Variants in SLC43A2 observed in about 807,000 individuals in gnomAD.
The protein encoded by SLC43A2 is large neutral amino acids transporter small subunit 4.
In SLC43A2, 38 loss-of-function variants were observed where a neutral mutation model predicts 63.2. The ratio of observed to expected loss-of-function variants is 0.60; its 90% confidence interval spans 0.46 to 0.79. The LOEUF (loss-of-function observed/expected upper bound fraction) is 0.79. Ranked by LOEUF, SLC43A2 falls within the 30% of genes least tolerant of loss-of-function variation. SLC43A2 has a pLI of 0.00. For missense variants in SLC43A2, 644 were observed against 756.2 expected, an observed-to-expected ratio of 0.85 and a Z score of 1.74; for synonymous variants, 322 against 331.0, an observed-to-expected ratio of 0.97 and a Z score of 0.30.
chr17:1,613,190 C>A lies in SLC43A2; in HGVS notation c.501+5G>T. 6.2e-7 allele frequency: 1 copy of A among 1,611,636 alleles called. No homozygotes were observed. On this transcript the variant is annotated splice_donor_5th_base_variant and intron_variant, in intron 5 of 13. Transcript: ENST00000301335. ...ACTACAGAGCTTTAAAAAATCTGTA[C>A]TCACTGTTAATGAGGTGAAGGTCAT...
At chr17:1,619,839 C>A (rs1907992710) in intron 2 of SLC43A2, among the ~76,000 whole-genome samples, 1 of 152,166 alleles carries the variant, frequency 6.6e-6, no homozygotes, top group African/African-American at 2.4e-5. Context: ...ACGCCAGGGC[C>A]CAGGATGGGT....
At chr17:1,592,410 G>A (rs1904906260) in intron 6 of SLC43A2, among the ~76,000 whole-genome samples, 1 of 152,238 alleles carries the variant, frequency 6.6e-6, no homozygotes, top group African/African-American at 2.4e-5. Flanking sequence ...CTGGGCGACA[G>A]AGCAAGACCC....
At chr17:1,585,208 T>A in intron 10 of SLC43A2, 1 of 994,164 alleles carries the variant, frequency 1.0e-6, no homozygotes, top group South Asian at 4.4e-5. Context: ...TTCACCTGTG[T>A]CTCTTTTTCT....
intron 5 of SLC43A2, among the ~76,000 whole-genome samples, chr17:1,611,787 AC>A (rs1220564662): frequency 6.6e-6 from 1 of 152,166 alleles, no homozygotes; most frequent in Non-Finnish European, 1.5e-5. Context: ...AAACTTTTTC[AC>A]CGGTAAACTG....
At chr17:1,582,562 A>G (rs2076035820) in intron 11 of SLC43A2, among the ~76,000 whole-genome samples, 1 of 152,212 alleles carries the variant, frequency 6.6e-6, no homozygotes, top group Non-Finnish European at 1.5e-5. Context: ...GGAACTCTAC[A>G]GCGACCCCAC....
chr17:1,601,255 A>G (rs1020028120), intron 5 of SLC43A2, among the ~76,000 whole-genome samples: 1 of 152,086 alleles, frequency 6.6e-6, no homozygotes, highest in Non-Finnish European at 1.5e-5. Context: ...CTTGCGGACC[A>G]TCAGCAAACT....
chr17:1,615,579 C>G (rs1386355896), intron 3 of SLC43A2, among the ~76,000 whole-genome samples: 1 of 149,672 alleles, frequency 6.7e-6, no homozygotes. Context: ...CACGATGGCT[C>G]ACGCCTGTAA....
chr17:1,575,345 G>C lies in SLC43A2; in HGVS notation c.*259C>G, dbSNP rs2151024657. 1 of 545,078 alleles carries C rather than the reference G, an allele frequency of 1.8e-6. No individual in the cohort carries two copies. Among genetic ancestry groups the C allele is most frequent in the Admixed American group, 3.5e-5 (1 of 28,752 alleles). 33.8% of individuals were successfully genotyped at this position (545,078 alleles called of 1,614,324 possible). Reference sequence around the variant, plus strand: ...TGGCTCCTGCTGCAGGCACCACAGAGACCCCAGGCCCCGGGTCCCCGGGGG... The same window carrying C: ...TGGCTCCTGCTGCAGGCACCACAGACACCCCAGGCCCCGGGTCCCCGGGGG... On this transcript the variant is annotated 3_prime_UTR_variant, in exon 14 of 14. Transcript: ENST00000301335.
At chr17:1,621,620 G>T (rs750865487) in intron 2 of SLC43A2, among the ~76,000 whole-genome samples, 5 of 152,244 alleles carry the variant, frequency 3.3e-5, no homozygotes, top group Non-Finnish European at 5.9e-5. Flanking sequence ...AGCGGCTGCC[G>T]TGTGTGCAAT....
At chr17:1,602,548 A>G (rs969323720) in intron 5 of SLC43A2, among the ~76,000 whole-genome samples, 11 of 151,840 alleles carry the variant, frequency 7.2e-5, no homozygotes, top group Non-Finnish European at 8.8e-5. Context: ...TGGGAAGCTG[A>G]GGCAGAAAAA....
Position 1,575,444 on chromosome 17 carries a change from C to T in SLC43A2, c.*160G>A. On this transcript the variant is annotated 3_prime_UTR_variant, in exon 14 of 14. Coordinates refer to ENST00000301335, the MANE Select transcript of SLC43A2 (RefSeq NM_152346.3). ...CGCGTGTCCGGGGCCCTCTCCCGTC[C>T]TTCCACCACAGAGCTCCGAGGCAGG... is the stretch of plus-strand genomic sequence containing the variant. 4 of 932,572 alleles carry T rather than the reference C, an allele frequency of 4.3e-6. No homozygotes were observed. Among genetic ancestry groups the T allele is most frequent in the Non-Finnish European group, 6.5e-6 (4 of 616,296 alleles). The allele number at this position is 932,572 out of a possible 1,614,324, so 57.8% of individuals were successfully genotyped here. A position where few individuals can be genotyped will look rare whatever the true frequency, so the allele number is the denominator to read the frequency against.
upstream of SLC43A2, among the ~76,000 whole-genome samples, chr17:1,629,801 C>T (rs894383995): frequency 1.3e-5 from 2 of 152,186 alleles, no homozygotes; most frequent in Admixed American, 1.3e-4. Context: ...GAGGGGGCTC[C>T]GGGTCCCCGT....
intron 9 of SLC43A2, among the ~76,000 whole-genome samples, chr17:1,589,512 TTCACA>T (rs1904546772): frequency 2.0e-5 from 3 of 152,010 alleles, no homozygotes; most frequent in African/African-American, 7.2e-5. Flanking sequence ...GGCTGCAGCG[TTCACA>T]TCACTGCACT....
chr17:1,596,775 T>C (rs1005624012), intron 5 of SLC43A2, among the ~76,000 whole-genome samples: 24 of 152,210 alleles, frequency 1.6e-4, no homozygotes, highest in African/African-American at 5.3e-4. Flanking sequence ...ATTTTTTAAA[T>C]GGGCAAAGGA....
At chr17:1,600,157 T>A (rs1230465567) in intron 5 of SLC43A2, among the ~76,000 whole-genome samples, 172 of 108,900 alleles carry the variant, frequency 1.6e-3, no homozygotes, top group African/African-American at 5.2e-3. Flanking sequence ...TATATATTTT[T>A]TTTTTTTTTT....
intron 9 of SLC43A2, among the ~76,000 whole-genome samples, chr17:1,586,363 C>T (rs1007477789): frequency 6.6e-6 from 1 of 152,088 alleles, no homozygotes; most frequent in Admixed American, 6.6e-5. Context: ...ACTCCTGTGA[C>T]GGAGGCTAAG....
At chr17:1,595,635 A>G (rs990888212) in intron 5 of SLC43A2, among the ~76,000 whole-genome samples, 1 of 151,966 alleles carries the variant, frequency 6.6e-6, no homozygotes, top group Non-Finnish European at 1.5e-5. Context: ...TAGTAGAGAT[A>G]GGGTTTCACC....
chr17:1,578,429 T>C lies in SLC43A2; in HGVS notation c.1351-106A>G. ...CCTCACCCCAGGGGCAGTGTCAGCC[T>C]GGAGTTGGATCAACCCCATCCTCCG... On this transcript the variant is annotated intron_variant, in intron 11 of 13. Coordinates refer to ENST00000301335, the MANE Select transcript of SLC43A2 (RefSeq NM_152346.3). This position sits in a 1 kb window ranked among gnomAD's most constrained non-coding sequence, Gnocchi z 6.5. 9.2e-7 allele frequency: 1 copy of C among 1,087,980 alleles called. No homozygotes were observed. Among genetic ancestry groups the C allele is most frequent in the Non-Finnish European group, 1.3e-6 (1 of 755,712 alleles). 67.4% of individuals were successfully genotyped at this position (1,087,980 alleles called of 1,614,324 possible).
In SLC43A2 at chr17:1,600,996, C is replaced by T. The variant is rs550206281; in HGVS notation, c.502-7717G>A. Reference sequence around the variant, plus strand: ...AGATAACATCTGAATACAAGAATCGCGTTGCATATTTGCTGCCTCCATAGG... The same window carrying T: ...AGATAACATCTGAATACAAGAATCGTGTTGCATATTTGCTGCCTCCATAGG... On this transcript the variant is annotated intron_variant, in intron 5 of 13. Transcript: ENST00000301335. Among the ~76,000 whole-genome samples the T allele has an allele frequency of 2.6e-5, 4 of 152,052 alleles. No individual in the cohort carries two copies. In the East Asian group the frequency reaches 7.7e-4, roughly 29 times the overall value.
Sources: allele counts gnomAD v4.1 joint callset (sites outside exome capture counted in the v4.1 genomes callset), GRCh38; gene constraint gnomAD v4.1.1; non-coding constraint Gnocchi (gnomAD v3.1); transcripts MANE v1.5; gene names NCBI Gene and HGNC (gene_info 2026-07-23, HGNC 2026-07-21).